QTMAN: variants seen among roughly 807,000 people sequenced by gnomAD.
QTMAN encodes the protein tRNA-queuosine alpha-mannosyltransferase.
the QTMAN span, among the ~76,000 whole-genome samples, chr2:144,078,273 A>C: frequency 6.6e-6 from 1 of 152,220 alleles, no homozygotes; most frequent in African/African-American, 2.4e-5. Context: ...CAGAATGTGA[A>C]GTATTAATGC....
At chr2:143,956,685 C>A in the QTMAN span, among the ~76,000 whole-genome samples, 3 of 152,170 alleles carry the variant, frequency 2.0e-5, no homozygotes, top group East Asian at 5.8e-4. Context: ...TTATCTGGGG[C>A]CTTGCTATTC....
chr2:144,294,955 T>C, the QTMAN span, among the ~76,000 whole-genome samples: 1 of 152,218 alleles, frequency 6.6e-6, no homozygotes, highest in Non-Finnish European at 1.5e-5. Flanking sequence ...AAAATGAACT[T>C]GAAGAAATCT....
the QTMAN span, among the ~76,000 whole-genome samples, chr2:144,071,996 ACCTAGCC>A: frequency 6.6e-6 from 1 of 152,170 alleles, no homozygotes. Context: ...GCCATTCTAA[ACCTAGCC>A]CCAGAGTAAA....
At chr2:144,176,197 C>T in the QTMAN span, among the ~76,000 whole-genome samples, 14 of 152,100 alleles carry the variant, frequency 9.2e-5, no homozygotes, top group South Asian at 8.3e-4. Context: ...AATACAATTA[C>T]GGTTCATTAT....
chr2:144,201,153 C>G, the QTMAN span, among the ~76,000 whole-genome samples: 13 of 152,036 alleles, frequency 8.6e-5, no homozygotes, highest in African/African-American at 3.1e-4. Context: ...ATTACAGAGG[C>G]AGAAAAAGAG....
chr2:144,018,455 A>G, the QTMAN span, among the ~76,000 whole-genome samples: 4 of 152,324 alleles, frequency 2.6e-5, no homozygotes, highest in East Asian at 5.8e-4. Flanking sequence ...ATTGGAAGAC[A>G]TAATTTTGTT....
the QTMAN span, among the ~76,000 whole-genome samples, chr2:144,172,499 C>T: frequency 1.3e-5 from 2 of 151,584 alleles, no homozygotes; most frequent in Admixed American, 1.3e-4. Flanking sequence ...TGGCACACAC[C>T]TATTATCCCA....
the QTMAN span, among the ~76,000 whole-genome samples, chr2:144,198,248 T>C: frequency 1.3e-5 from 2 of 151,956 alleles, no homozygotes; most frequent in Non-Finnish European, 2.9e-5. Flanking sequence ...AGCAATGTAA[T>C]GTAATTTTCC....
At chr2:144,174,579 T>C in the QTMAN span, among the ~76,000 whole-genome samples, 2 of 152,180 alleles carry the variant, frequency 1.3e-5, no homozygotes, top group African/African-American at 4.8e-5. Flanking sequence ...CCAAATTTCA[T>C]CTTCAATTGT....
the QTMAN span, among the ~76,000 whole-genome samples, chr2:144,003,215 G>C: frequency 6.6e-6 from 1 of 151,792 alleles, no homozygotes; most frequent in East Asian, 1.9e-4. Context: ...ATTTTTAAGA[G>C]TATGAAGGAG....
the QTMAN span, among the ~76,000 whole-genome samples, chr2:144,042,098 G>T: frequency 6.6e-6 from 1 of 152,138 alleles, no homozygotes; most frequent in Non-Finnish European, 1.5e-5. Context: ...ACAGAGGAAT[G>T]ACTTTCAGTT....
the QTMAN span, among the ~76,000 whole-genome samples, chr2:144,060,884 T>C: frequency 6.6e-6 from 1 of 152,218 alleles, no homozygotes; most frequent in Non-Finnish European, 1.5e-5. Context: ...CCTACTTCTT[T>C]CTAAAAGTAT....
At chr2:144,208,297 G>A in the QTMAN span, among the ~76,000 whole-genome samples, 2 of 152,080 alleles carry the variant, frequency 1.3e-5, no homozygotes, top group Non-Finnish European at 2.9e-5. Flanking sequence ...AACCAAACTA[G>A]AAGATCTACT....
the QTMAN span, among the ~76,000 whole-genome samples, chr2:144,304,088 A>T: frequency 1.6e-3 from 249 of 152,350 alleles, no homozygotes; most frequent in Middle Eastern, 0.01. Context: ...TAAAAGAACA[A>T]ATATGAGAGA....
At chr2:144,023,448 C>A in the QTMAN span, among the ~76,000 whole-genome samples, 30 of 152,172 alleles carry the variant, frequency 2.0e-4, no homozygotes, top group African/African-American at 6.3e-4. Context: ...GAAGAAAAAT[C>A]AGACCTTTTA....
At chr2:144,260,164 C>T in the QTMAN span, among the ~76,000 whole-genome samples, 293 of 151,744 alleles carry the variant, frequency 1.9e-3, 1 homozygote, top group African/African-American at 6.6e-3. Context: ...ATGCGAATTC[C>T]TTATTGTAAA....
chr2:143,998,746 G>C, the QTMAN span, among the ~76,000 whole-genome samples: 2 of 151,944 alleles, frequency 1.3e-5, no homozygotes, highest in African/African-American at 4.8e-5. Context: ...ACCAGTTTGA[G>C]CTTTTCTTCC....
At chr2:144,080,333 C>CAA in the QTMAN span, among the ~76,000 whole-genome samples, 1 of 152,048 alleles carries the variant, frequency 6.6e-6, no homozygotes, top group Non-Finnish European at 1.5e-5. Context: ...TCCATGAATG[C>CAA]GTTTAAGCAC....
At chr2:144,133,236 TTTATATATAA>T in the QTMAN span, among the ~76,000 whole-genome samples, 3 of 66,668 alleles carry the variant, frequency 4.5e-5, no homozygotes, top group African/African-American at 2.3e-4. Context: ...TATATTTATA[TTTATATATAA>T]ATATATATAA....
Sources: allele counts gnomAD v4.1 joint callset (sites outside exome capture counted in the v4.1 genomes callset), GRCh38; gene constraint gnomAD v4.1.1; transcripts MANE v1.5; gene names NCBI Gene and HGNC (gene_info 2026-07-23, HGNC 2026-07-21).